COMMD10: variants seen among roughly 807,000 people sequenced by gnomAD.
The protein encoded by COMMD10 is COMM domain-containing protein 10.
Under a neutral mutation model 28.9 loss-of-function variants are expected in COMMD10, and 33 were observed. The ratio of observed to expected loss-of-function variants is 1.14; its 90% CI spans 0.87 to 1.53. The LOEUF is 1.53. Ranked by LOEUF, COMMD10 falls within the 40% of genes most tolerant of loss-of-function variation. COMMD10 has a pLI of 0.00. For missense variants in COMMD10, 310 were observed against 233.4 expected (o/e 1.33, Z -2.14); for synonymous variants, 110 against 81.7 (o/e 1.35, Z -1.87).
chr5:116,253,820 T>G (rs1010219607), intron 5 of COMMD10, among the ~76,000 whole-genome samples: 3 of 147,852 alleles, frequency 2.0e-5, no homozygotes, highest in Admixed American at 6.7e-5. Context: ...ATAAAATGAG[T>G]TAGGGAGGAT....
chr5:116,291,744 G>T (rs1751367688), intron 6 of COMMD10, among the ~76,000 whole-genome samples, 168 bp downstream of exon 6: 1 of 150,846 alleles, frequency 6.6e-6, no homozygotes, highest in Admixed American at 6.6e-5. Context: ...GAAATGAAGA[G>T]AATTTGAAAA....
At chr5:116,120,145 A>G (rs1217858022) in intron 4 of COMMD10, among the ~76,000 whole-genome samples, 2 of 152,152 alleles carry the variant, frequency 1.3e-5, no homozygotes, top group African/African-American at 2.4e-5. Flanking sequence ...AATATGGTAT[A>G]TATACACTAT....
At chr5:116,182,509 AAAG>A (rs1290011468) in intron 5 of COMMD10, among the ~76,000 whole-genome samples, 1 of 152,090 alleles carries the variant, frequency 6.6e-6, no homozygotes, top group African/African-American at 2.4e-5. Flanking sequence ...GTGAGAAATC[AAAG>A]AAGAAACTTT....
At chr5:116,256,463 T>C (rs1750289120) in intron 5 of COMMD10, among the ~76,000 whole-genome samples, 1 of 151,760 alleles carries the variant, frequency 6.6e-6, no homozygotes, top group African/African-American at 2.4e-5. Context: ...TCCCTTTGCA[T>C]GTACGTGACA....
chr5:116,119,763 T>C (rs754086841), intron 4 of COMMD10, among the ~76,000 whole-genome samples: 2 of 151,860 alleles, frequency 1.3e-5, no homozygotes, highest in Non-Finnish European at 2.9e-5. Context: ...AGGTGTATGC[T>C]GTCATGCCTA....
At chr5:116,174,634 T>C (rs1242304919) in intron 5 of COMMD10, among the ~76,000 whole-genome samples, 1 of 152,042 alleles carries the variant, frequency 6.6e-6, no homozygotes, top group Non-Finnish European at 1.5e-5. Context: ...GGGAATATGG[T>C]AGGATTTGTT....
chr5:116,274,450 C>G (rs893282676), intron 5 of COMMD10, among the ~76,000 whole-genome samples: 26 of 151,664 alleles, frequency 1.7e-4, no homozygotes, highest in African/African-American at 5.4e-4. Context: ...TTTACAAAAA[C>G]TGAAAGTAGG....
At chr5:116,140,980 G>T (rs1752177814) in intron 5 of COMMD10, among the ~76,000 whole-genome samples, 1 of 151,702 alleles carries the variant, frequency 6.6e-6, no homozygotes, top group South Asian at 2.1e-4. Flanking sequence ...CAAGCTTTTG[G>T]TGTGATAATT....
At chr5:116,146,085 G>A (rs1317956591) in intron 5 of COMMD10, among the ~76,000 whole-genome samples, 1 of 151,844 alleles carries the variant, frequency 6.6e-6, no homozygotes, top group African/African-American at 2.4e-5. Flanking sequence ...AGATGTCTGT[G>A]GCTTGACCTG....
chr5:116,185,797 T>G (rs1240031965), intron 5 of COMMD10, among the ~76,000 whole-genome samples: 1 of 152,164 alleles, frequency 6.6e-6, no homozygotes, highest in Non-Finnish European at 1.5e-5. Context: ...CTCCTCTGAC[T>G]ACATTGAGAT....
intron 5 of COMMD10, among the ~76,000 whole-genome samples, chr5:116,149,102 G>C (rs1045199780): frequency 1.4e-5 from 2 of 147,852 alleles, no homozygotes; most frequent in Non-Finnish European, 3.0e-5. Context: ...GAGAATATGC[G>C]GTGTTTGGTT....
chr5:116,119,888 A>G (rs1005703670), intron 4 of COMMD10, among the ~76,000 whole-genome samples: 9 of 152,106 alleles, frequency 5.9e-5, no homozygotes, highest in Non-Finnish European at 5.9e-5. Flanking sequence ...CCAAAGTGCT[A>G]GGATTACGGG....
At chr5:116,199,743 T>C (rs1272495283) in intron 5 of COMMD10, among the ~76,000 whole-genome samples, 2 of 152,138 alleles carry the variant, frequency 1.3e-5, no homozygotes, top group African/African-American at 2.4e-5. Context: ...TTTATTTGCC[T>C]GAGAAGATAT....
chr5:116,091,349 A>G (rs1255070634), intron 3 of COMMD10, among the ~76,000 whole-genome samples, 160 bp downstream of exon 3: 3 of 152,226 alleles, frequency 2.0e-5, no homozygotes, highest in African/African-American at 7.2e-5. Flanking sequence ...ATATTTGAAT[A>G]TTGTAAAGTA....
chr5:116,287,674 A>AT (rs544020937), intron 5 of COMMD10, among the ~76,000 whole-genome samples: 71 of 148,834 alleles, frequency 4.8e-4, no homozygotes, highest in Middle Eastern at 6.9e-3. Flanking sequence ...TGTTTCATTG[A>AT]TTTTTTTTTC....
chr5:116,169,348 A>G (rs1421374897), intron 5 of COMMD10, among the ~76,000 whole-genome samples: 2 of 152,202 alleles, frequency 1.3e-5, no homozygotes, highest in African/African-American at 4.8e-5. Flanking sequence ...AATTGAGTCA[A>G]TAATTAATGG....
Position 116,253,559 on chromosome 5 carries a change from T to A in COMMD10, c.511-37958T>A, listed in dbSNP as rs1241199707. 4.4e-5 allele frequency among the ~76,000 whole-genome samples: 6 copies of A among 136,684 alleles called. No homozygotes were observed. The East Asian group carries it at 1.3e-3, about 29-fold the overall frequency. The allele number at this position is 136,684 out of a possible 152,430, so 89.7% of individuals were successfully genotyped here. A position where few individuals can be genotyped will look rare whatever the true frequency, so the allele number is the denominator to read the frequency against. Reference sequence around the variant, plus strand: ...TTCTGCATCTGTTGAGATAATCATGTGGTTTTTGTCTTTGGCTCTGTTTAT... The same window carrying A: ...TTCTGCATCTGTTGAGATAATCATGAGGTTTTTGTCTTTGGCTCTGTTTAT... On this transcript the variant is annotated intron_variant, in intron 5 of 6. Transcript: ENST00000274458.
chr5:116,200,834 A>G (rs1424164878), intron 5 of COMMD10, among the ~76,000 whole-genome samples: 1 of 152,076 alleles, frequency 6.6e-6, no homozygotes, highest in East Asian at 1.9e-4. Flanking sequence ...CCCTTAGCAT[A>G]TTAATCACAG....
chr5:116,192,307 A>T (rs1223298475), intron 5 of COMMD10, among the ~76,000 whole-genome samples: 4 of 149,938 alleles, frequency 2.7e-5, no homozygotes, highest in Admixed American at 6.6e-5. Flanking sequence ...AGTGGATCCA[A>T]ACCAAGAAGA....
Sources: allele counts gnomAD v4.1 joint callset (sites outside exome capture counted in the v4.1 genomes callset), GRCh38; gene constraint gnomAD v4.1.1; transcripts MANE v1.5; gene names NCBI Gene and HGNC (gene_info 2026-07-23, HGNC 2026-07-21).